ZC3H12B: variants seen among roughly 807,000 people sequenced by gnomAD.
ZC3H12B encodes probable ribonuclease ZC3H12B.
In ZC3H12B, 7 loss-of-function variants were observed where a neutral mutation model predicts 43.9. The ratio of observed to expected loss-of-function variants is 0.16; its 90% CI spans 0.09 to 0.30. The LOEUF (loss-of-function observed/expected upper bound fraction) is 0.30. Among genes scored for constraint, ZC3H12B ranks in the 10% least tolerant of loss-of-function variants. ZC3H12B has a pLI of 1.00. For synonymous variants in ZC3H12B, 222 were observed against 241.7 expected, an observed-to-expected ratio of 0.92 and a Z score of 0.76; for missense variants, 475 against 670.2, an observed-to-expected ratio of 0.71 and a Z score of 3.22.
chrX:65,296,638 C>T, the ZC3H12B span, among the ~76,000 whole-genome samples: 6 of 110,738 alleles, frequency 5.4e-5, no homozygotes, highest in African/African-American at 6.6e-5. Flanking sequence ...AGAGAGAATC[C>T]TCCCTAAATC....
chrX:65,303,749 C>G, the ZC3H12B span, among the ~76,000 whole-genome samples: 1 of 112,003 alleles, frequency 8.9e-6, no homozygotes, highest in Non-Finnish European at 1.9e-5. Context: ...TTCTATATAC[C>G]AGCAATAAAC....
chrX:65,155,528 G>A, the ZC3H12B span, among the ~76,000 whole-genome samples: 1 of 110,413 alleles, frequency 9.1e-6, no homozygotes, highest in African/African-American at 3.3e-5. Flanking sequence ...GTTATTGTTC[G>A]GTTTTGTACC....
chrX:65,220,302 C>T, the ZC3H12B span, among the ~76,000 whole-genome samples: 2 of 110,811 alleles, frequency 1.8e-5, no homozygotes, highest in African/African-American at 6.6e-5. Flanking sequence ...TGAAAAAAAC[C>T]CAAGGTGCTG....
chrX:65,395,621 A>C (rs1417157650), intron 2 of ZC3H12B, among the ~76,000 whole-genome samples: 1 of 112,063 alleles, frequency 8.9e-6, no homozygotes, highest in East Asian at 2.8e-4. Context: ...ATCAATGTTC[A>C]TCAGGGATAT....
the ZC3H12B span, among the ~76,000 whole-genome samples, chrX:65,145,456 G>T: frequency 9.0e-6 from 1 of 111,273 alleles, no homozygotes; most frequent in African/African-American, 3.3e-5. Context: ...GAGCATTTAG[G>T]CCATTTACAT....
chrX:65,132,180 A>C, the ZC3H12B span, among the ~76,000 whole-genome samples: 3 of 111,740 alleles, frequency 2.7e-5, no homozygotes, highest in South Asian at 1.1e-3. Flanking sequence ...TATTGAGGAC[A>C]AAAGAGTGTA....
chrX:65,398,965 A>C lies in ZC3H12B; in HGVS notation n.407+261A>C, dbSNP rs940317024. 2.7e-5 allele frequency among the ~76,000 whole-genome samples: 3 copies of C among 111,935 alleles called. No homozygotes were observed. In the Admixed American group the frequency reaches 2.9e-4, roughly 11 times the overall value. ...CAGTAAGTGGTGTTAAGAAAACCAG[A>C]TATCCATATGCAGAAGAATGAAATT... On this transcript the variant is annotated intron_variant and non_coding_transcript_variant, in intron 3 of 5. Transcript: ENST00000617377.
At chrX:65,408,057 A>G in intron 3 of ZC3H12B, 3 of 1,173,000 alleles carry the variant, frequency 2.6e-6, no homozygotes, top group Non-Finnish European at 3.4e-6. Flanking sequence ...TTGCCGGGGA[A>G]CAGAGCCCCG....
the ZC3H12B span, among the ~76,000 whole-genome samples, chrX:65,120,841 G>A: frequency 9.0e-5 from 10 of 111,342 alleles, 1 homozygote; most frequent in Admixed American, 1.9e-4. Flanking sequence ...CAAATTTATC[G>A]AGAGTTTTTT....
the ZC3H12B span, among the ~76,000 whole-genome samples, chrX:65,096,259 T>C: frequency 0.055 from 6,001 of 108,521 alleles, 207 homozygotes; most frequent in Admixed American, 0.086. Flanking sequence ...AAATAGCTAA[T>C]GCATGCTGGG....
chrX:65,397,298 G>T (rs1229730732), intron 2 of ZC3H12B, among the ~76,000 whole-genome samples: 1 of 111,629 alleles, frequency 9.0e-6, no homozygotes, highest in Non-Finnish European at 1.9e-5. Flanking sequence ...GGTGTCACTG[G>T]TCTTTATATT....
the ZC3H12B span, among the ~76,000 whole-genome samples, chrX:65,072,840 G>A: frequency 8.9e-6 from 1 of 112,580 alleles, no homozygotes; most frequent in East Asian, 2.8e-4. Context: ...CAGAAGCAGA[G>A]GAGGTAGCAT....
At chrX:65,156,825 TGTC>T in the ZC3H12B span, among the ~76,000 whole-genome samples, 2 of 111,629 alleles carry the variant, frequency 1.8e-5, no homozygotes, top group East Asian at 2.8e-4. Flanking sequence ...CATGTTTTGT[TGTC>T]GTTGTTGTTT....
chrX:65,159,857 G>A, the ZC3H12B span, among the ~76,000 whole-genome samples: 2 of 111,824 alleles, frequency 1.8e-5, no homozygotes, highest in Admixed American at 1.9e-4. Flanking sequence ...CAAAGGGAAT[G>A]CTTCCAGTTT....
In ZC3H12B at chrX:65,407,812, C is replaced by T. The variant is rs538687879; in HGVS notation, n.407+9108C>T. Among the ~76,000 whole-genome samples, 41 of 113,297 alleles carry T rather than the reference C, an allele frequency of 3.6e-4. No individual in the cohort carries two copies. The South Asian group carries it at 8.6e-3, about 24-fold the overall frequency. Reference sequence around the variant, plus strand: ...CCGCGCACAGTCCCCGAACGCCCGACGTCTCCGCGCAGGTTATTGAAGCAG... The same window carrying T: ...CCGCGCACAGTCCCCGAACGCCCGATGTCTCCGCGCAGGTTATTGAAGCAG... On this transcript the variant is annotated intron_variant and non_coding_transcript_variant, in intron 3 of 5. Transcript: ENST00000617377.
At chrX:65,225,769 G>T in the ZC3H12B span, among the ~76,000 whole-genome samples, 1 of 112,113 alleles carries the variant, frequency 8.9e-6, no homozygotes, top group East Asian at 2.8e-4. Flanking sequence ...GGAAGAAAGG[G>T]TATCAGTCAT....
chrX:65,356,942 G>T, the ZC3H12B span: 1 of 439,467 alleles, frequency 2.3e-6, no homozygotes, highest in Non-Finnish European at 4.3e-6. Flanking sequence ...ACTCCCACAG[G>T]CTGTAAAACA....
At chrX:65,267,812 AT>A in the ZC3H12B span, among the ~76,000 whole-genome samples, 1 of 111,866 alleles carries the variant, frequency 8.9e-6, no homozygotes, top group African/African-American at 3.2e-5. Context: ...TAAATGCCTA[AT>A]TTTTTAAAGG....
chrX:65,242,230 C>T, the ZC3H12B span, among the ~76,000 whole-genome samples: 2 of 111,019 alleles, frequency 1.8e-5, no homozygotes, highest in Admixed American at 9.6e-5. Flanking sequence ...ATATTTCAGT[C>T]GAAAGTGCTA....
Sources: gnomAD v4.1 joint callset for allele counts (sites outside exome capture counted in the v4.1 genomes callset) on GRCh38, gnomAD v4.1.1 for gene constraint, MANE v1.5 for transcripts, NCBI Gene and HGNC (gene_info 2026-07-23, HGNC 2026-07-21) for gene names.